NAV2: variants seen among roughly 807,000 people sequenced by gnomAD.
NAV2 encodes helicase, APC down-regulated 1.
Under a neutral mutation model 223.2 loss-of-function variants are expected in NAV2, and 54 were observed. The observed-to-expected ratio is 0.24, with a 90% CI of 0.19 to 0.30. The LOEUF is 0.30. Ranked by LOEUF, NAV2 falls within the 10% of genes least tolerant of loss-of-function variation. The pLI is 1.00. For missense variants in NAV2, 2,806 were observed against 3,147.5 expected (o/e 0.89, Z 2.60); for synonymous variants, 1,279 against 1,239.3 (o/e 1.03, Z -0.67).
Position 19,984,163 on chromosome 11 carries a change from G to A in NAV2, c.2684G>A (p.Arg895His), listed in dbSNP as rs779980329. 14 of 1,613,966 alleles carry A rather than the reference G, an allele frequency of 8.7e-6. No homozygotes were observed. Among genetic ancestry groups the A allele is most frequent in the South Asian group, 3.3e-5 (3 of 91,078 alleles). The change falls in exon 11 of 38, where the codon CGC becomes CAC. Residue 895 changes from arginine to histidine, a missense_variant. Arg to His is a conservative substitution (Grantham distance 29). Around this residue, in one of 4 missense-constraint regions of NAV2, gnomAD observed 1,167 missense variants for 1,180.5 expected, o/e 0.99. Transcript: ENST00000349880. ...GGTGGACTTGGCCTCTATACCCGTCGCCTGAACCGGCTCCCTGATGGGATG... is the reference window on the plus strand; with the variant it reads ...GGTGGACTTGGCCTCTATACCCGTCACCTGAACCGGCTCCCTGATGGGATG... ...TDGGLGLYTRRLNRLPDGMAV... is the reference protein window; with the variant it reads ...TDGGLGLYTRHLNRLPDGMAV...
chr11:19,671,988 A>G (rs1301386610), intron 1 of NAV2, among the ~76,000 whole-genome samples: 1 of 152,228 alleles, frequency 6.6e-6, no homozygotes, highest in Non-Finnish European at 1.5e-5. Flanking sequence ...ACAGGCCATT[A>G]CAATAGTGAT....
chr11:19,968,375 C>T (rs1031594679), intron 10 of NAV2, among the ~76,000 whole-genome samples: 2 of 152,140 alleles, frequency 1.3e-5, no homozygotes, highest in Admixed American at 1.3e-4. Context: ...TACCACCACA[C>T]TCAACTAATT....
Position 20,077,996 on chromosome 11 carries a change from T to C in NAV2, c.5071T>C (p.Ser1691Pro). The C allele has an allele frequency of 6.2e-7, 1 of 1,611,658 alleles. No individual in the cohort carries two copies. Among genetic ancestry groups the C allele is most frequent in the Non-Finnish European group, 8.5e-7 (1 of 1,177,944 alleles). The stretch of plus-strand genomic sequence containing the variant: ...AATAATTTTTTCTGTTCCCTAGGAC[T>C]CAGAACTGAATGAGTTAAGAAAAAC... ...SLTMTAEQKD[S>P]ELNELRKTIE... The change falls in exon 24 of 38, where the codon TCA (serine) becomes CCA (proline). Residue 1691 changes from serine to proline, a missense_variant. By Grantham distance (74) the Ser-to-Pro change is moderately conservative (BLOSUM62 -1). Coordinates refer to ENST00000349880, the MANE Select transcript of NAV2 (RefSeq NM_145117.5).
chr11:20,020,942 T>C (rs2054453884), intron 11 of NAV2, among the ~76,000 whole-genome samples: 1 of 152,166 alleles, frequency 6.6e-6, no homozygotes, highest in Admixed American at 6.5e-5. Flanking sequence ...AGTCGTATAC[T>C]ATCTCAGGGC....
intron 1 of NAV2, among the ~76,000 whole-genome samples, chr11:19,551,275 C>T (rs535193666): frequency 1.3e-5 from 2 of 152,242 alleles, no homozygotes; most frequent in Non-Finnish European, 2.9e-5. Flanking sequence ...GATCAAGTTC[C>T]ATGTCTACGC....
At position 19,776,603 on chromosome 11, in the gene NAV2, TGTGTGG is replaced by T. The variant is rs1316695587; in HGVS notation, c.268-55880_268-55875del. Among the ~76,000 whole-genome samples, 467 of 140,658 alleles carry T rather than the reference TGTGTGG, an allele frequency of 3.3e-3. 5 individuals carry two copies. Among genetic ancestry groups the T allele is most frequent in the South Asian group, 0.022 (96 of 4,412 alleles). The allele number at this position is 140,658 out of a possible 152,430, so 92.3% of individuals were successfully genotyped here. A position where few individuals can be genotyped will look rare whatever the true frequency, so the allele number is the denominator to read the frequency against. ...GTGTGTGTGTGTGTGTGTGTGTGTG[TGTGTGG>T]TTAGAGTTGTGGGGGTCAGAAAATG... On this transcript the variant is annotated intron_variant, in intron 1 of 37. Transcript: ENST00000349880.
At chr11:19,650,406 G>T (rs1181431207) in intron 1 of NAV2, among the ~76,000 whole-genome samples, 1 of 152,210 alleles carries the variant, frequency 6.6e-6, no homozygotes, top group Non-Finnish European at 1.5e-5. Flanking sequence ...AGGCTTCAGA[G>T]AGAGCGTGGC....
chr11:19,563,312 A>G (rs965526), intron 1 of NAV2, among the ~76,000 whole-genome samples: 145,079 of 152,250 alleles, frequency 0.95, 69,506 homozygotes, highest in East Asian at 1. Context: ...CAGCTCTACC[A>G]GTAATACAGA....
intron 1 of NAV2, among the ~76,000 whole-genome samples, chr11:19,643,067 G>A (rs2047709742): frequency 6.6e-6 from 1 of 151,816 alleles, no homozygotes; most frequent in African/African-American, 2.4e-5. Flanking sequence ...GGGGTTGGGT[G>A]TATGCATACA....
intron 8 of NAV2, among the ~76,000 whole-genome samples, chr11:19,944,306 G>C (rs1381874240): frequency 1.3e-5 from 2 of 152,238 alleles, no homozygotes; most frequent in African/African-American, 4.8e-5. Flanking sequence ...ACTAGTGCCA[G>C]CTCAGCTCAA....
chr11:19,902,839 T>C (rs181995851), intron 6 of NAV2, among the ~76,000 whole-genome samples: 323 of 152,324 alleles, frequency 2.1e-3, no homozygotes, highest in African/African-American at 7.5e-3. Context: ...TTGACAGTGT[T>C]CAACAGCATG....
At chr11:19,741,868 C>T (rs1023781179) in intron 1 of NAV2, among the ~76,000 whole-genome samples, 1 of 151,796 alleles carries the variant, frequency 6.6e-6, no homozygotes, top group South Asian at 2.1e-4. Context: ...GGGTATATAC[C>T]CAGAAGGGGG....
intron 4 of NAV2, 29 bp downstream of exon 4, chr11:19,869,026 C>T: frequency 1.2e-6 from 2 of 1,605,138 alleles, no homozygotes; most frequent in Non-Finnish European, 1.7e-6. Flanking sequence ...CACGAAGCTG[C>T]CTCTTCATCA....
intron 8 of NAV2, among the ~76,000 whole-genome samples, chr11:19,944,624 T>C (rs1264830132): frequency 4.2e-5 from 6 of 143,276 alleles, no homozygotes; most frequent in Non-Finnish European, 9.1e-5. Context: ...TTTCTTTTTC[T>C]TTTTTCTTTC....
chr11:20,010,439 T>G (rs1360583174), intron 11 of NAV2, among the ~76,000 whole-genome samples: 3 of 152,216 alleles, frequency 2.0e-5, no homozygotes, highest in Non-Finnish European at 4.4e-5. Flanking sequence ...GAGTCTCCTT[T>G]TCTCCCTGGA....
intron 10 of NAV2, among the ~76,000 whole-genome samples, chr11:19,981,975 CTTCATTCATTCATGTG>C (rs145142524): frequency 0.079 from 11,990 of 152,194 alleles, 598 homozygotes; most frequent in South Asian, 0.11. Context: ...TGTCTTTGGG[CTTCATTCATTCATGTG>C]TTCATTCATT....
At chr11:19,369,620 A>G (rs1848405150) in intron 1 of NAV2, among the ~76,000 whole-genome samples, 1 of 152,060 alleles carries the variant, frequency 6.6e-6, no homozygotes, top group African/African-American at 2.4e-5. Context: ...GGAATCTTCT[A>G]TATGGTTCAC....
At chr11:19,641,786 A>G (rs771916711) in intron 1 of NAV2, among the ~76,000 whole-genome samples, 18 of 151,918 alleles carry the variant, frequency 1.2e-4, no homozygotes, top group Non-Finnish European at 2.4e-4. Context: ...TACCCTGTCC[A>G]CATCAACACA....
rs374554120 is a variant in NAV2 at position 20,054,236 on chromosome 11, G to A, written c.4638G>A (p.Gln1546=). 15 of 1,608,924 alleles carry A rather than the reference G, an allele frequency of 9.3e-6. No individual in the cohort carries two copies. In the African/African-American group the frequency reaches 2.0e-4, roughly 22 times the overall value. Residue 1546 remains glutamine (Q), a synonymous_variant, in exon 18 of 38, where the codon CAG becomes CAA. Coordinates refer to ENST00000349880, the MANE Select transcript of NAV2 (RefSeq NM_145117.5). ...CCGGAACAAGATTCAACTTTTCCCA[G>A]CTTGGTGAGTAGCCACTTGTCATTA... is the stretch of plus-strand genomic sequence containing the variant. ...SPSGTRFNFS[Q]LASPTTVTQM... is the part of the protein sequence containing the mutation.
Sources: gnomAD v4.1 joint callset for allele counts (sites outside exome capture counted in the v4.1 genomes callset) on GRCh38, gnomAD v4.1.1 for gene constraint, gnomAD v4.1.1 regional missense constraint, MANE v1.5 for transcripts, NCBI Gene and HGNC (gene_info 2026-07-23, HGNC 2026-07-21) for gene names.